The following ROBO2 variants were observed in gnomAD, a reference collection of about 807,000 sequenced individuals.
ROBO2 encodes roundabout guidance receptor 2, also known as roundabout homolog 2.
In ROBO2, 53 loss-of-function variants were observed where a neutral mutation model predicts 160.8. The ratio of observed to expected loss-of-function variants is 0.33; its 90% CI spans 0.26 to 0.41. The LOEUF (loss-of-function observed/expected upper bound fraction) is 0.41, where lower values mean the gene tolerates loss of function less well. ROBO2 is among the 10% of genes least tolerant of loss of function. The pLI is 1.00. For synonymous variants in ROBO2, 664 were observed against 611.7 expected (o/e 1.09, Z -1.26); for missense variants, 1,577 against 1,722.4 (o/e 0.92, Z 1.49).
intron 2 of ROBO2, among the ~76,000 whole-genome samples, chr3:77,121,208 G>A (rs781738528): frequency 3.9e-5 from 6 of 152,006 alleles, no homozygotes; most frequent in Admixed American, 2.0e-4. Context: ...GCCTCCCAAA[G>A]TGCTGTGATT....
chr3:75,928,861 C>CGTGTGTGTGTGT (rs60525375), intron 1 of ROBO2, among the ~76,000 whole-genome samples: 24 of 109,096 alleles, frequency 2.2e-4, no homozygotes, highest in East Asian at 2.1e-3. Context: ...CTGGATAAGA[C>CGTGTGTGTGTGT]GTGTGTGTGT....
intron 2 of ROBO2, among the ~76,000 whole-genome samples, chr3:76,875,933 C>G (rs146446879): frequency 6.6e-6 from 1 of 152,054 alleles, no homozygotes; most frequent in Non-Finnish European, 1.5e-5. Flanking sequence ...GAATTACAGG[C>G]GTGAGCTACC....
chr3:77,296,023 G>A (rs1182829322), intron 2 of ROBO2, among the ~76,000 whole-genome samples: 1 of 141,378 alleles, frequency 7.1e-6, no homozygotes, highest in Non-Finnish European at 1.5e-5. Context: ...GGCTAGAACA[G>A]TAAAGACATA....
chr3:75,910,813 A>C (rs908608886), intron 1 of ROBO2, among the ~76,000 whole-genome samples: 4 of 152,188 alleles, frequency 2.6e-5, no homozygotes, highest in African/African-American at 9.6e-5. Context: ...GATATATTAC[A>C]CAAGAGTGAA....
At chr3:77,546,183 T>G in intron 6 of ROBO2, 155 bp from the exon 8 acceptor site, 2 of 852,630 alleles carry the variant, frequency 2.3e-6, no homozygotes, top group Non-Finnish European at 3.6e-6. Context: ...TATAATGTCT[T>G]TCTTTTTGTG....
intron 2 of ROBO2, among the ~76,000 whole-genome samples, chr3:76,141,163 A>C (rs79896534): frequency 1.7e-3 from 130 of 75,298 alleles, no homozygotes; most frequent in Middle Eastern, 6.6e-3. Flanking sequence ...CTCTCTCTAT[A>C]TATATATATA....
intron 2 of ROBO2, among the ~76,000 whole-genome samples, chr3:77,402,506 A>G (rs1017884271): frequency 2.0e-5 from 3 of 152,170 alleles, no homozygotes; most frequent in Non-Finnish European, 4.4e-5. Context: ...CTCCCAGTAA[A>G]CAGAAACACC....
Position 76,838,645 on chromosome 3 carries a change from A to G in ROBO2, c.110-259369A>G, listed in dbSNP as rs73841635. 2.4e-3 allele frequency among the ~76,000 whole-genome samples: 367 copies of G among 152,218 alleles called. 5 individuals carry two copies. The highest frequency in any genetic ancestry group is 8.3e-3 in the African/African-American group (347 of 41,560). On this transcript the variant is annotated intron_variant, in intron 2 of 26. Transcript: ENST00000487694. The stretch of plus-strand genomic sequence containing the variant: ...TTATGTGATTATTGGGCCTAGCAAC[A>G]TTAAATCGCTGTAGTTTAAAAAATG...
intron 2 of ROBO2, among the ~76,000 whole-genome samples, chr3:77,010,792 A>G (rs1265457341): frequency 6.6e-6 from 1 of 151,614 alleles, no homozygotes; most frequent in Non-Finnish European, 1.5e-5. Context: ...TCATATTCCT[A>G]CAGAACCTGA....
At chr3:76,956,924 A>G (rs1397389887) in intron 2 of ROBO2, among the ~76,000 whole-genome samples, 1 of 152,086 alleles carries the variant, frequency 6.6e-6, no homozygotes, top group African/African-American at 2.4e-5. Context: ...AAACTCATCT[A>G]ATAACTAAAT....
intron 2 of ROBO2, among the ~76,000 whole-genome samples, chr3:76,037,331 C>T (rs942105112): frequency 2.7e-5 from 4 of 149,774 alleles, no homozygotes; most frequent in Non-Finnish European, 4.4e-5. Context: ...GATCTCGGCT[C>T]ACTGCAACCT....
chr3:77,501,018 A>G (rs1211798924), intron 5 of ROBO2, among the ~76,000 whole-genome samples: 1 of 152,214 alleles, frequency 6.6e-6, no homozygotes, highest in Non-Finnish European at 1.5e-5. Context: ...GCCAGTATGC[A>G]GAGCAAAAGG....
chr3:76,266,154 A>G (rs1707087784), intron 2 of ROBO2, among the ~76,000 whole-genome samples: 1 of 152,170 alleles, frequency 6.6e-6, no homozygotes, highest in African/African-American at 2.4e-5. Flanking sequence ...GTGATATATC[A>G]CATTTATTGA....
intron 2 of ROBO2, among the ~76,000 whole-genome samples, chr3:76,151,017 G>T (rs961966320): frequency 3.3e-5 from 5 of 152,042 alleles, no homozygotes; most frequent in Admixed American, 6.6e-5. Flanking sequence ...CGACCCTACC[G>T]TGTGTTGGGT....
chr3:75,975,942 C>A (rs750669954), intron 2 of ROBO2, among the ~76,000 whole-genome samples: 1 of 151,464 alleles, frequency 6.6e-6, no homozygotes, highest in Non-Finnish European at 1.5e-5. Context: ...CCCATCAAAT[C>A]CCAAGGATTT....
intron 2 of ROBO2, among the ~76,000 whole-genome samples, chr3:76,063,871 C>T (rs909557215): frequency 1.3e-5 from 2 of 152,136 alleles, no homozygotes; most frequent in African/African-American, 4.8e-5. Context: ...AAGAGTGATC[C>T]TCTTGTGATT....
chr3:76,774,103 A>G (rs1472277058), intron 2 of ROBO2, among the ~76,000 whole-genome samples: 1 of 151,000 alleles, frequency 6.6e-6, no homozygotes, highest in Admixed American at 6.6e-5. Flanking sequence ...CAGAAACTAA[A>G]TCATAAACAC....
intron 2 of ROBO2, among the ~76,000 whole-genome samples, chr3:77,174,851 G>T (rs771431348): frequency 3.9e-5 from 6 of 151,982 alleles, no homozygotes; most frequent in Non-Finnish European, 5.9e-5. Context: ...ATTTCATGGA[G>T]AAAAGGAATT....
intron 17 of ROBO2, among the ~76,000 whole-genome samples, chr3:77,592,271 C>T (rs1447010028): frequency 6.6e-6 from 1 of 151,996 alleles, no homozygotes; most frequent in African/African-American, 2.4e-5. Flanking sequence ...CCTTTGTATA[C>T]TTAATATGCA....
Sources: gnomAD v4.1 joint callset for allele counts (sites outside exome capture counted in the v4.1 genomes callset) on GRCh38, gnomAD v4.1.1 for gene constraint, MANE v1.5 for transcripts, NCBI Gene and HGNC (gene_info 2026-07-23, HGNC 2026-07-21) for gene names.